PRKCH: variants seen among roughly 807,000 people sequenced by gnomAD.
PRKCH encodes protein kinase C eta type.
A neutral mutation model predicts 82.5 loss-of-function variants in PRKCH; 28 were observed. The ratio of observed to expected loss-of-function variants is 0.34; its 90% CI spans 0.25 to 0.47. The LOEUF is 0.47. PRKCH is among the 20% of genes least tolerant of loss of function. PRKCH has a pLI of 1.00. For missense variants in PRKCH, 705 were observed against 881.8 expected (o/e 0.80, Z 2.54); for synonymous variants, 322 against 327.4 (o/e 0.98, Z 0.18).
At chr14:61,470,706 G>A (rs1194706214) in intron 9 of PRKCH, among the ~76,000 whole-genome samples, 1 of 152,094 alleles carries the variant, frequency 6.6e-6, no homozygotes, top group Non-Finnish European at 1.5e-5. Context: ...TATGGCTTAG[G>A]TGTTACAAAT....
At chr14:61,528,973 CGT>C (rs57920054) in intron 10 of PRKCH, 100 bp from the exon 11 acceptor site, 58,049 of 566,040 alleles carry the variant, frequency 0.1, 1,125 homozygotes, top group East Asian at 0.22. Flanking sequence ...TGTGGCCGCA[CGT>C]GTGTGTGTGT....
chr14:61,385,344 T>G (rs2046571417), intron 1 of PRKCH, among the ~76,000 whole-genome samples: 1 of 150,754 alleles, frequency 6.6e-6, no homozygotes, highest in Admixed American at 6.6e-5. Context: ...CGCTATGACC[T>G]GGGACAAGCC....
chr14:61,327,822 G>A (rs981957134), intron 1 of PRKCH, among the ~76,000 whole-genome samples: 2 of 152,174 alleles, frequency 1.3e-5, no homozygotes, highest in Non-Finnish European at 2.9e-5. Context: ...GTGATTGGGG[G>A]ACAAGTAAAG....
rs548354094 is a variant in PRKCH, at chr14:61,487,487, AG to A, written c.1433+1834del. ...TTGCTGGTATGATCTCTGATGGTGA[AG>A]GGAGTTAAGCGTCGTCCTCATGCTA... On this transcript the variant is annotated intron_variant, in intron 10 of 13. Coordinates refer to ENST00000332981, the MANE Select transcript of PRKCH (RefSeq NM_006255.5). Among the ~76,000 whole-genome samples, 551 of 152,238 alleles carry A rather than the reference AG, an allele frequency of 3.6e-3. 1 individual carries two copies. Among genetic ancestry groups the A allele is most frequent in the African/African-American group, 0.012 (499 of 41,522 alleles).
intron 9 of PRKCH, among the ~76,000 whole-genome samples, chr14:61,474,671 G>A (rs923502278): frequency 6.6e-6 from 1 of 152,284 alleles, no homozygotes; most frequent in East Asian, 1.9e-4. Flanking sequence ...AAACCTGCAC[G>A]TTGTGCACAT....
intron 1 of PRKCH, among the ~76,000 whole-genome samples, chr14:61,302,464 T>A (rs1252033873): frequency 2.0e-5 from 3 of 152,216 alleles, no homozygotes; most frequent in African/African-American, 7.2e-5. Context: ...ATTAAAGGTT[T>A]CTTTCTGAGA....
chr14:61,248,025 C>T (rs2044903463), intron 1 of PRKCH, among the ~76,000 whole-genome samples: 1 of 152,190 alleles, frequency 6.6e-6, no homozygotes, highest in Non-Finnish European at 1.5e-5. Context: ...AGTGGTGCAG[C>T]TGTAAGACTT....
At chr14:61,305,241 G>C (rs929807583) in intron 1 of PRKCH, 12 of 152,072 alleles carry the variant, frequency 7.9e-5, no homozygotes, top group African/African-American at 2.9e-4. Context: ...CTGGAGCACA[G>C]TGGTACAATC....
chr14:61,357,885 C>G (rs1319121166), intron 1 of PRKCH, among the ~76,000 whole-genome samples: 1 of 152,068 alleles, frequency 6.6e-6, no homozygotes, highest in African/African-American at 2.4e-5. Flanking sequence ...TTCATCTGCT[C>G]TCTAGGTTTT....
intron 1 of PRKCH, among the ~76,000 whole-genome samples, chr14:61,229,516 C>T (rs187700858): frequency 1.9e-4 from 29 of 152,286 alleles, no homozygotes; most frequent in Middle Eastern, 6.8e-3. Flanking sequence ...TTACATAAGC[C>T]ACTAGCTGTT....
intron 2 of PRKCH, among the ~76,000 whole-genome samples, chr14:61,406,291 T>A (rs529518394): frequency 6.6e-6 from 1 of 152,248 alleles, no homozygotes; most frequent in Non-Finnish European, 1.5e-5. Context: ...CCTTTTAAAA[T>A]GCTGCGACAA....
At position 61,301,093 on chromosome 14, in the gene PRKCH, TTTCTC is replaced by T. The variant is rs1168388816; in HGVS notation, c.-19+113428_-19+113432del. Among the ~76,000 whole-genome samples, 11 of 152,240 alleles carry T rather than the reference TTTCTC, an allele frequency of 7.2e-5. No homozygotes were observed. In the East Asian group the frequency reaches 2.1e-3, roughly 29 times the overall value. Reference sequence around the variant, plus strand: ...TCTCTCTGCAGGAGAGAGATTCTCTTTTCTCTTTCTTTCGCCTATTAAACTTCTGC... The same window carrying T: ...TCTCTCTGCAGGAGAGAGATTCTCTTTTTCTTTCGCCTATTAAACTTCTGC... On this transcript the variant is annotated intron_variant, in intron 1 of 3. Coordinates refer to the PRKCH transcript ENST00000555185.
intron 1 of PRKCH, among the ~76,000 whole-genome samples, chr14:61,210,111 A>AATATATATAT (rs60055073): frequency 4.8e-4 from 42 of 87,358 alleles, no homozygotes; most frequent in Non-Finnish European, 6.7e-4. Flanking sequence ...CAAACAAACA[A>AATATATATAT]ATATATATAT....
At chr14:61,496,187 T>C (rs775960451) in intron 10 of PRKCH, among the ~76,000 whole-genome samples, 4 of 152,202 alleles carry the variant, frequency 2.6e-5, no homozygotes, top group Non-Finnish European at 5.9e-5. Flanking sequence ...TAACCACATG[T>C]GTTGAGCATT....
chr14:61,247,651 G>A (rs923499496), intron 1 of PRKCH, among the ~76,000 whole-genome samples: 2 of 135,680 alleles, frequency 1.5e-5, no homozygotes, highest in Non-Finnish European at 3.1e-5. Flanking sequence ...CAGGAGAATC[G>A]CTTGAACCCT....
At chr14:61,192,757 G>A (rs1018202187) in intron 1 of PRKCH, among the ~76,000 whole-genome samples, 2 of 152,232 alleles carry the variant, frequency 1.3e-5, no homozygotes, top group Non-Finnish European at 2.9e-5. Context: ...ACCAAATGTT[G>A]ATAAGGGTAA....
chr14:61,268,530 T>C (rs1166011820), intron 1 of PRKCH, among the ~76,000 whole-genome samples: 6 of 151,992 alleles, frequency 3.9e-5, no homozygotes, highest in Admixed American at 3.9e-4. Context: ...TAGGTGGGCA[T>C]GGTGGTCCAT....
intron 2 of PRKCH, among the ~76,000 whole-genome samples, chr14:61,417,821 A>G (rs1882638918): frequency 6.6e-6 from 1 of 152,212 alleles, no homozygotes. Context: ...TCTAAATGAA[A>G]ACATCTAGGT....
intron 2 of PRKCH, among the ~76,000 whole-genome samples, chr14:61,410,357 C>T (rs1474589835): frequency 2.0e-5 from 3 of 152,078 alleles, no homozygotes; most frequent in Admixed American, 6.6e-5. Context: ...GTTGACAAAC[C>T]GTTGATTAAC....
Sources: gnomAD v4.1 joint callset for allele counts (sites outside exome capture counted in the v4.1 genomes callset) on GRCh38, gnomAD v4.1.1 for gene constraint, MANE v1.5 for transcripts, NCBI Gene and HGNC (gene_info 2026-07-23, HGNC 2026-07-21) for gene names.